The following MYOCOS variants were observed in gnomAD, a reference collection of about 807,000 sequenced individuals.
The protein encoded by MYOCOS is myocilin opposite strand.
At chr1:171,605,394 C>CAAAA (rs1553253256) in intron 1 of MYOCOS, among the ~76,000 whole-genome samples, 5 of 127,542 alleles carry the variant, frequency 3.9e-5, no homozygotes, top group African/African-American at 1.1e-4. Context: ...CACACACACA[C>CAAAA]AAAAAAAAAA....
intron 2 of MYOCOS, among the ~76,000 whole-genome samples, chr1:171,624,318 A>G (rs1017856692): frequency 3.0e-4 from 45 of 152,194 alleles, no homozygotes; most frequent in African/African-American, 1.0e-3. Flanking sequence ...GCTGGAGTTC[A>G]GTGGTGCAAT....
chr1:171,602,270 G>T (rs1417817082), intron 1 of MYOCOS, among the ~76,000 whole-genome samples: 1 of 151,992 alleles, frequency 6.6e-6, no homozygotes, highest in Non-Finnish European at 1.5e-5. Flanking sequence ...AAAAAATGTT[G>T]TATAATTTAA....
At chr1:171,610,047 CCAAG>C (rs1231026359) in intron 1 of MYOCOS, among the ~76,000 whole-genome samples, 2 of 152,164 alleles carry the variant, frequency 1.3e-5, no homozygotes, top group Non-Finnish European at 2.9e-5. Flanking sequence ...CATCTGGCTT[CCAAG>C]CAAGCAAGCA....
At chr1:171,620,989 C>G (rs928099210), upstream of MYOCOS, among the ~76,000 whole-genome samples, 3 of 151,876 alleles carry the variant, frequency 2.0e-5, no homozygotes, top group East Asian at 3.9e-4. Context: ...AGGATGGTCT[C>G]GATCTCCTGA....
chr1:171,615,958 C>T (rs1163010956), intron 2 of MYOCOS, among the ~76,000 whole-genome samples: 2 of 151,896 alleles, frequency 1.3e-5, no homozygotes, highest in Admixed American at 1.3e-4. Flanking sequence ...TAGCTCATGC[C>T]TGTAATCCCA....
chr1:171,611,542 G>T (rs1009655295), intron 1 of MYOCOS, among the ~76,000 whole-genome samples: 1 of 152,144 alleles, frequency 6.6e-6, no homozygotes, highest in Non-Finnish European at 1.5e-5. Context: ...ATTGGAGCTT[G>T]CCACAAAACA....
rs546190040 is a variant in MYOCOS at position 171,612,171 on chromosome 1, G to A, written c.-251-2627G>A. Among the ~76,000 whole-genome samples, 24 of 152,188 alleles carry A rather than the reference G, an allele frequency of 1.6e-4. 1 individual carries two copies. The South Asian group carries it at 3.9e-3, about 25-fold the overall frequency. ...GGCTCACTGCAACCTCTGTCTCCCA[G>A]ATTCAAGCGATTCTCCTGCCTCACA... is the stretch of plus-strand genomic sequence containing the variant. On this transcript the variant is annotated intron_variant, in intron 1 of 3. Coordinates refer to the MYOCOS transcript ENST00000636697.
intron 1 of MYOCOS, among the ~76,000 whole-genome samples, chr1:171,609,399 G>A (rs1372977772): frequency 1.3e-5 from 2 of 152,134 alleles, no homozygotes; most frequent in East Asian, 3.9e-4. Flanking sequence ...TGACTAGGTG[G>A]AAGCTATAGT....
intron 2 of MYOCOS, among the ~76,000 whole-genome samples, chr1:171,625,879 G>A (rs1652682304): frequency 6.6e-6 from 1 of 152,198 alleles, no homozygotes; most frequent in Non-Finnish European, 1.5e-5. Flanking sequence ...GGATGGGGAT[G>A]GAGGAGTGAG....
At chr1:171,608,370 C>T (rs1432886603) in intron 1 of MYOCOS, among the ~76,000 whole-genome samples, 1 of 146,874 alleles carries the variant, frequency 6.8e-6, no homozygotes, top group South Asian at 2.1e-4. Flanking sequence ...ATAAGATGCT[C>T]CTTTAAAATT....
intron 1 of MYOCOS, among the ~76,000 whole-genome samples, chr1:171,609,989 C>T (rs938909208): frequency 6.6e-6 from 1 of 152,250 alleles, no homozygotes; most frequent in African/African-American, 2.4e-5. Context: ...TAGTAGGCCT[C>T]AGCCCCCCTT....
intron 1 of MYOCOS, among the ~76,000 whole-genome samples, chr1:171,605,333 G>C (rs1337410513): frequency 1.3e-5 from 2 of 148,612 alleles, no homozygotes; most frequent in African/African-American, 4.9e-5. Flanking sequence ...CATTCTGTAG[G>C]ATGACTTAGT....
intron 2 of MYOCOS, among the ~76,000 whole-genome samples, chr1:171,616,412 C>A (rs921614554): frequency 6.6e-6 from 1 of 151,774 alleles, no homozygotes; most frequent in African/African-American, 2.4e-5. Context: ...TGGTGGTGCA[C>A]ACCTGTAATC....
intron 1 of MYOCOS, among the ~76,000 whole-genome samples, chr1:171,614,140 G>T (rs906658364): frequency 6.6e-6 from 1 of 152,148 alleles, no homozygotes; most frequent in Non-Finnish European, 1.5e-5. Flanking sequence ...ATTACAGTTT[G>T]CCAAGGGATA....
chr1:171,612,633 C>A (rs1189055181), intron 1 of MYOCOS, among the ~76,000 whole-genome samples: 1 of 151,802 alleles, frequency 6.6e-6, no homozygotes, highest in Non-Finnish European at 1.5e-5. Context: ...CGAGACCAGC[C>A]TGACCAACAC....
upstream of MYOCOS, among the ~76,000 whole-genome samples, chr1:171,621,014 C>T (rs1652555954): frequency 1.3e-5 from 2 of 151,906 alleles, no homozygotes; most frequent in South Asian, 2.1e-4. Context: ...GTGATCTGCC[C>T]GCCTCGGCCT....
At chr1:171,607,117 CA>C (rs962788832) in intron 1 of MYOCOS, among the ~76,000 whole-genome samples, 10 of 136,858 alleles carry the variant, frequency 7.3e-5, no homozygotes, top group African/African-American at 2.7e-4. Context: ...AAAAAAAAAG[CA>C]AGCAAAAATC....
chr1:171,620,914 C>T (rs1352111977), upstream of MYOCOS, among the ~76,000 whole-genome samples: 1 of 151,658 alleles, frequency 6.6e-6, no homozygotes, highest in African/African-American at 2.4e-5. Context: ...GGATTACAGG[C>T]GAGTGCCACC....
In MYOCOS at chr1:171,605,394, C is replaced by CACACACACAA. The variant is rs376886204; in HGVS notation, c.-252+4315_-252+4316insCACACACAAA. Among the ~76,000 whole-genome samples the CACACACACAA allele has an allele frequency of 1.3e-3, 164 of 127,532 alleles. 3 individuals carry two copies. In the East Asian group the frequency reaches 0.013, roughly 10 times the overall value. The allele number at this position is 127,532 out of a possible 152,430, so 83.7% of individuals were successfully genotyped here. ...AGTACCACACACACACACACACACA[C>CACACACACAA]AAAAAAAAAAAAACAGTTACATGAT... On this transcript the variant is annotated intron_variant, in intron 1 of 3. Transcript: ENST00000636697.
Sources: allele counts gnomAD v4.1 joint callset (sites outside exome capture counted in the v4.1 genomes callset), GRCh38; gene constraint gnomAD v4.1.1; transcripts MANE v1.5; gene names NCBI Gene and HGNC (gene_info 2026-07-23, HGNC 2026-07-21).